The following SLC10A7 variants were observed in gnomAD, a reference collection of about 807,000 sequenced individuals.
SLC10A7 encodes the protein sodium/bile acid cotransporter 7.
A neutral mutation model predicts 43.2 loss-of-function variants in SLC10A7; 29 were observed. That is an observed-to-expected ratio of 0.67 (90% CI 0.50 to 0.92). The LOEUF is 0.92. Among genes scored for constraint, SLC10A7 ranks in the 40% least tolerant of loss-of-function variants. The pLI, the probability that SLC10A7 is intolerant of heterozygous loss-of-function variation, is 0.00. For missense variants in SLC10A7, 295 were observed against 403.2 expected (o/e 0.73, Z 2.30); for synonymous variants, 152 against 144.8 (o/e 1.05, Z -0.35).
chr4:146,289,867 C>G (rs1395819370), intron 9 of SLC10A7, among the ~76,000 whole-genome samples: 1 of 150,208 alleles, frequency 6.7e-6, no homozygotes, highest in Non-Finnish European at 1.5e-5. Flanking sequence ...AGGTGCACGC[C>G]ACCACGCTGG....
intron 4 of SLC10A7, among the ~76,000 whole-genome samples, chr4:146,449,889 T>G (rs1731435729): frequency 6.6e-6 from 1 of 152,120 alleles, no homozygotes; most frequent in African/African-American, 2.4e-5. Flanking sequence ...TAGCTAGAAA[T>G]TAATCCTAAT....
chr4:146,406,218 C>T (rs1295818117), intron 5 of SLC10A7, among the ~76,000 whole-genome samples: 1 of 152,052 alleles, frequency 6.6e-6, no homozygotes, highest in Non-Finnish European at 1.5e-5. Flanking sequence ...AATTAAAAAA[C>T]CAAGAAAATC....
intron 5 of SLC10A7, among the ~76,000 whole-genome samples, chr4:146,367,307 AC>A (rs145497794): frequency 0.022 from 3,327 of 152,256 alleles, 115 homozygotes; most frequent in African/African-American, 0.076. Flanking sequence ...GTCCAATAGA[AC>A]TTTCTGTAAT....
chr4:146,519,336 T>TG (rs1738400688), intron 1 of SLC10A7, among the ~76,000 whole-genome samples: 1 of 145,170 alleles, frequency 6.9e-6, no homozygotes, highest in African/African-American at 2.5e-5. Flanking sequence ...ACATAATATA[T>TG]AATATTATCT....
At chr4:146,392,593 C>T (rs76018317) in intron 5 of SLC10A7, among the ~76,000 whole-genome samples, 8,361 of 152,212 alleles carry the variant, frequency 0.055, 348 homozygotes, top group South Asian at 0.17. Context: ...AATTATGTCA[C>T]TCATTGTTGT....
At chr4:146,262,770 A>G (rs542378111) in intron 10 of SLC10A7, among the ~76,000 whole-genome samples, 48 of 152,286 alleles carry the variant, frequency 3.2e-4, no homozygotes, top group African/African-American at 9.4e-4. Context: ...CACCTCTTCC[A>G]CAGTCTCGAA....
intron 4 of SLC10A7, among the ~76,000 whole-genome samples, chr4:146,498,173 A>C (rs1736075567): frequency 6.6e-6 from 1 of 151,572 alleles, no homozygotes; most frequent in African/African-American, 2.4e-5. Flanking sequence ...GCTGGAGTGC[A>C]ATGGCACAAT....
intron 5 of SLC10A7, among the ~76,000 whole-genome samples, chr4:146,384,862 AT>A (rs895876142): frequency 1.3e-5 from 2 of 152,036 alleles, no homozygotes; most frequent in African/African-American, 4.8e-5. Flanking sequence ...TTTTTTTTAC[AT>A]TTATACACTG....
intron 7 of SLC10A7, among the ~76,000 whole-genome samples, chr4:146,301,896 A>C (rs1342798469): frequency 6.6e-6 from 1 of 152,216 alleles, no homozygotes; most frequent in Non-Finnish European, 1.5e-5. Flanking sequence ...TAGAACACTT[A>C]AGAAAAAAAA....
intron 5 of SLC10A7, among the ~76,000 whole-genome samples, chr4:146,438,542 C>A (rs986177142): frequency 1.3e-5 from 2 of 151,978 alleles, no homozygotes; most frequent in Non-Finnish European, 2.9e-5. Context: ...TTTATAACAT[C>A]ATTATTAAAA....
chr4:146,490,299 C>T (rs540361666), intron 4 of SLC10A7, among the ~76,000 whole-genome samples: 1 of 152,090 alleles, frequency 6.6e-6, no homozygotes, highest in African/African-American at 2.4e-5. Context: ...TGCGCAAATG[C>T]AATGAGTATT....
At chr4:146,419,261 G>T (rs781415957) in intron 5 of SLC10A7, among the ~76,000 whole-genome samples, 2 of 152,118 alleles carry the variant, frequency 1.3e-5, no homozygotes, top group Non-Finnish European at 2.9e-5. Context: ...TCAAGCCTTG[G>T]TCTTTCTGGT....
intron 7 of SLC10A7, among the ~76,000 whole-genome samples, chr4:146,300,217 G>A (rs1731069523): frequency 6.6e-6 from 1 of 152,172 alleles, no homozygotes; most frequent in South Asian, 2.1e-4. Flanking sequence ...GAGCTTAGTA[G>A]GTGAGGACAG....
intron 5 of SLC10A7, among the ~76,000 whole-genome samples, chr4:146,349,725 G>T (rs1734885185): frequency 6.6e-6 from 1 of 152,080 alleles, no homozygotes; most frequent in Non-Finnish European, 1.5e-5. Flanking sequence ...GGATGCAGCT[G>T]GAGGCCATTA....
chr4:146,436,149 A>G (rs1346576468), intron 5 of SLC10A7, among the ~76,000 whole-genome samples: 2 of 152,136 alleles, frequency 1.3e-5, no homozygotes, highest in African/African-American at 4.8e-5. Flanking sequence ...AATCTGTGTC[A>G]CAAATTTGCA....
chr4:146,379,957 C>CTGTGTG (rs1390456740), intron 5 of SLC10A7, among the ~76,000 whole-genome samples: 3 of 143,778 alleles, frequency 2.1e-5, no homozygotes, highest in African/African-American at 5.7e-5. Context: ...CTCTCTCTCT[C>CTGTGTG]TCTGTGTGTG....
intron 5 of SLC10A7, among the ~76,000 whole-genome samples, chr4:146,332,518 G>A (rs1733606499): frequency 6.6e-6 from 1 of 152,122 alleles, no homozygotes; most frequent in South Asian, 2.1e-4. Context: ...TTAAAAGTGT[G>A]TAGTACCTCC....
rs35963098 is a variant in SLC10A7, at chr4:146,274,200, C to CTT, written c.847+8990_847+8991dup. On this transcript the variant is annotated intron_variant, in intron 10 of 11. Transcript: ENST00000335472. ...GTGGTTCTCTTTTGTTCAGATTATA[C>CTT]TTTTTTTTTTTTTTTTTTTTTGAGA... 3.0e-3 allele frequency among the ~76,000 whole-genome samples: 358 copies of CTT among 118,520 alleles called. 6 individuals are homozygous for CTT. The highest frequency in any genetic ancestry group is 9.7e-3 in the African/African-American group (295 of 30,506). 77.8% of individuals were successfully genotyped at this position (118,520 alleles called of 152,430 possible).
chr4:146,463,444 C>T (rs1051590130), intron 4 of SLC10A7, among the ~76,000 whole-genome samples: 1 of 152,096 alleles, frequency 6.6e-6, no homozygotes, highest in African/African-American at 2.4e-5. Flanking sequence ...GCAATGTCTC[C>T]TGTAAAAATT....
Sources: allele counts gnomAD v4.1 joint callset (sites outside exome capture counted in the v4.1 genomes callset), GRCh38; gene constraint gnomAD v4.1.1; transcripts MANE v1.5; gene names NCBI Gene and HGNC (gene_info 2026-07-23, HGNC 2026-07-21).